The following ZNF197 variants were observed in gnomAD, a reference collection of about 807,000 sequenced individuals.
ZNF197 encodes the protein VHL-associated KRAB-A domain-containing protein.
In ZNF197, 14 loss-of-function variants were observed where a neutral mutation model predicts 27.4. The observed-to-expected ratio is 0.51, with a 90% CI of 0.34 to 0.80. The LOEUF is 0.80. Among genes scored for constraint, ZNF197 ranks in the 30% least tolerant of loss-of-function variants. The pLI is 0.02. For synonymous variants in ZNF197, 415 were observed against 420.0 expected (o/e 0.99, Z 0.15); for missense variants, 1,090 against 1,222.6 (o/e 0.89, Z 1.62).
chr3:44,625,073 C>A lies in ZNF197; in HGVS notation c.-152C>A, dbSNP rs761570218. 1 of 152,254 alleles carries A rather than the reference C, an allele frequency of 6.6e-6. No homozygotes were observed. The highest frequency in any genetic ancestry group is 2.4e-5 in the African/African-American group (1 of 41,458). The allele number at this position is 152,254 out of a possible 1,614,324, so 9.4% of individuals were successfully genotyped here. A position where few individuals can be genotyped will look rare whatever the true frequency, so the allele number is the denominator to read the frequency against. On this transcript the variant is annotated 5_prime_UTR_variant, in exon 1 of 6. In the 5' UTR this introduces an upstream ATG that the reference lacks. Coordinates refer to ENST00000344387, the MANE Select transcript of ZNF197 (RefSeq NM_006991.5). ...CCTCGGCTGCCGGAAGGGCTCGTTCCTGTGTCATCTCCTAGCGGCCTGGCG... is the reference window on the plus strand; with the variant it reads ...CCTCGGCTGCCGGAAGGGCTCGTTCATGTGTCATCTCCTAGCGGCCTGGCG...
At chr3:44,626,281 TCCAGC>T (rs1701655431) in intron 1 of ZNF197, among the ~76,000 whole-genome samples, 1 of 152,176 alleles carries the variant, frequency 6.6e-6, no homozygotes, top group African/African-American at 2.4e-5. Context: ...TTTCTTGATA[TCCAGC>T]CCTCCCACCC....
In ZNF197 at chr3:44,643,576, A is replaced by G; in HGVS notation, c.2446A>G (p.Lys816Glu). The change falls in exon 6 of 6, where the codon AAA becomes GAA. Residue 816 changes from lysine (K) to glutamate (E), a missense_variant. By Grantham distance (56) the Lys-to-Glu change is moderately conservative (BLOSUM62 1). Coordinates refer to ENST00000344387, the MANE Select transcript of ZNF197 (RefSeq NM_006991.5). Reference protein sequence around the residue: ...IGHQRIHTREKSYKCNDCGKV... With the variant: ...IGHQRIHTREESYKCNDCGKV... ...ACATCAGAGAATTCACACGAGGGAA[A>G]AATCTTATAAATGCAATGACTGTGG... 6.2e-7 allele frequency: 1 copy of G among 1,614,204 alleles called. No individual in the cohort carries two copies. The highest frequency in any genetic ancestry group is 1.1e-5 in the South Asian group (1 of 91,088).
chr3:44,638,203 ATTGT>A (rs1486679126), intron 5 of ZNF197, among the ~76,000 whole-genome samples: 6 of 151,832 alleles, frequency 4.0e-5, no homozygotes, highest in African/African-American at 1.5e-4. Context: ...TCCTAATCTT[ATTGT>A]TTGAGACTAT....
rs764415015 is a variant in ZNF197, at chr3:44,645,259, A to G, written c.*1039A>G. 24 of 985,300 alleles carry G rather than the reference A, an allele frequency of 2.4e-5. No homozygotes were observed. Among genetic ancestry groups the G allele is most frequent in the Middle Eastern group, 1.0e-3 (2 of 1,936 alleles). The allele number at this position is 985,300 out of a possible 1,614,324, so 61.0% of individuals were successfully genotyped here. On this transcript the variant is annotated 3_prime_UTR_variant, in exon 6 of 6. Coordinates refer to ENST00000344387, the MANE Select transcript of ZNF197 (RefSeq NM_006991.5). ...CATTCAGTTGTCAATAAAGTTGGAT[A>G]AAAGAGGTTATGGTAAAAGTTTAGA...
chr3:44,637,258 G>A (rs1702349725), intron 5 of ZNF197, among the ~76,000 whole-genome samples: 1 of 151,904 alleles, frequency 6.6e-6, no homozygotes, highest in Admixed American at 6.6e-5. Context: ...CCTCCCAAGT[G>A]GCTGGGATTA....
intron 2 of ZNF197, 124 bp downstream of exon 2, chr3:44,629,668 C>T (rs1701872046): frequency 2.4e-6 from 3 of 1,244,584 alleles, no homozygotes; most frequent in Non-Finnish European, 3.2e-6. Context: ...CACTAGCAAC[C>T]TTAATGATAA....
At position 44,645,797 on chromosome 3, in the gene ZNF197, TG is replaced by T. The variant is rs1170661251; in HGVS notation, c.*1578del. 1 of 985,348 alleles carries T rather than the reference TG, an allele frequency of 1.0e-6. No individual in the cohort carries two copies. Among genetic ancestry groups the T allele is most frequent in the Non-Finnish European group, 1.2e-6 (1 of 829,946 alleles). 61.0% of individuals were successfully genotyped at this position (985,348 alleles called of 1,614,324 possible). ...TTTCACATGGAGCCAAGCTCTTCAC[TG>T]ATTAAGCCAGTGCAGAATCCACTTG... On this transcript the variant is annotated 3_prime_UTR_variant, in exon 6 of 6. Coordinates refer to ENST00000344387, the MANE Select transcript of ZNF197 (RefSeq NM_006991.5).
chr3:44,636,347 C>T (rs1702286928), intron 5 of ZNF197, among the ~76,000 whole-genome samples: 1 of 151,600 alleles, frequency 6.6e-6, no homozygotes, highest in Non-Finnish European at 1.5e-5. Context: ...CCAAAAGGAA[C>T]CTTGAACCCT....
Position 44,646,464 on chromosome 3 carries a change from A to T in ZNF197, c.*2244A>T. ...CTGAAAAATGTTCAACCTGAATTTAATCAAGCTTCTTGGACCTCATTGCCA... is the reference window on the plus strand; with the variant it reads ...CTGAAAAATGTTCAACCTGAATTTATTCAAGCTTCTTGGACCTCATTGCCA... On this transcript the variant is annotated 3_prime_UTR_variant, in exon 6 of 6. Coordinates refer to ENST00000344387, the MANE Select transcript of ZNF197 (RefSeq NM_006991.5). 1 of 1,612,750 alleles carries T rather than the reference A, an allele frequency of 6.2e-7. No homozygotes were observed. The highest frequency in any genetic ancestry group is 8.5e-7 in the Non-Finnish European group (1 of 1,179,004).
chr3:44,637,918 C>T (rs529200083), intron 5 of ZNF197, among the ~76,000 whole-genome samples: 7 of 152,166 alleles, frequency 4.6e-5, no homozygotes, highest in Middle Eastern at 3.4e-3. Flanking sequence ...TGTTCTTTTT[C>T]AAGATTGTTT....
chr3:44,645,838 C>T lies in ZNF197; in HGVS notation c.*1618C>T. The T allele has an allele frequency of 1.0e-6, 1 of 985,414 alleles. No individual in the cohort carries two copies. Among genetic ancestry groups the T allele is most frequent in the Non-Finnish European group, 1.2e-6 (1 of 829,920 alleles). The allele number at this position is 985,414 out of a possible 1,614,324, so 61.0% of individuals were successfully genotyped here. ...GAATCCACTTGTGGGCAGTCAGTGC[C>T]CATTACCCCCTGTGAACCATTCTGT... On this transcript the variant is annotated 3_prime_UTR_variant, in exon 6 of 6. Coordinates refer to ENST00000344387, the MANE Select transcript of ZNF197 (RefSeq NM_006991.5).
At chr3:44,632,647 T>C (rs1702078366) in intron 5 of ZNF197, 48 bp downstream of exon 5, 1 of 1,407,054 alleles carries the variant, frequency 7.1e-7, no homozygotes, top group Admixed American at 2.6e-5. Context: ...CACCAGCCTT[T>C]ATTTGTTTTC....
At chr3:44,639,812 C>G (rs573139286) in intron 5 of ZNF197, among the ~76,000 whole-genome samples, 7 of 151,928 alleles carry the variant, frequency 4.6e-5, no homozygotes, top group African/African-American at 1.7e-4. Flanking sequence ...GTTTGGGCAG[C>G]TGCATGTAGT....
rs1701560210 is a variant in ZNF197 at position 44,625,076 on chromosome 3, T to C, written c.-149T>C. ...CGGCTGCCGGAAGGGCTCGTTCCTG[T>C]GTCATCTCCTAGCGGCCTGGCGCCG... is the stretch of plus-strand genomic sequence containing the variant. On this transcript the variant is annotated 5_prime_UTR_variant, in exon 1 of 6. Transcript: ENST00000344387. The C allele has an allele frequency of 6.6e-6, 1 of 152,262 alleles. No individual in the cohort carries two copies. Among genetic ancestry groups the C allele is most frequent in the Admixed American group, 6.5e-5 (1 of 15,304 alleles). 9.4% of individuals were successfully genotyped at this position (152,262 alleles called of 1,614,324 possible). A position where few individuals can be genotyped will look rare whatever the true frequency, so the allele number is the denominator to read the frequency against.
intron 2 of ZNF197, among the ~76,000 whole-genome samples, chr3:44,630,484 G>A (rs1478769242): frequency 6.6e-6 from 1 of 152,196 alleles, no homozygotes; most frequent in Non-Finnish European, 1.5e-5. Flanking sequence ...AAACTTGGGT[G>A]TGGCATTAAG....
chr3:44,635,000 A>G (rs1702205752), intron 5 of ZNF197, among the ~76,000 whole-genome samples: 1 of 152,084 alleles, frequency 6.6e-6, no homozygotes, highest in Non-Finnish European at 1.5e-5. Context: ...TTTTAATCCA[A>G]GTAGCTTTCA....
chr3:44,638,878 T>C (rs926813519), intron 5 of ZNF197, among the ~76,000 whole-genome samples: 2 of 152,172 alleles, frequency 1.3e-5, no homozygotes, highest in Non-Finnish European at 2.9e-5. Flanking sequence ...GTTTTTATTT[T>C]AATTTTATTT....
rs1249737079 is a variant in ZNF197, at chr3:44,646,496, A to T, written c.*2276A>T. 1 of 1,581,248 alleles carries T rather than the reference A, an allele frequency of 6.3e-7. No homozygotes were observed. The highest frequency in any genetic ancestry group is 1.7e-5 in the Admixed American group (1 of 59,968). ...TTCTTGGACCTCATTGCCAGGTTAC[A>T]GGAAATACAGGAGGCAGAGGAACAA... On this transcript the variant is annotated 3_prime_UTR_variant, in exon 6 of 6. Coordinates refer to ENST00000344387, the MANE Select transcript of ZNF197 (RefSeq NM_006991.5).
rs754011129 is a variant in ZNF197 at position 44,629,136 on chromosome 3, C to G, written c.-19C>G. On this transcript the variant is annotated 5_prime_UTR_variant, in exon 2 of 6. Coordinates refer to ENST00000344387, the MANE Select transcript of ZNF197 (RefSeq NM_006991.5). Reference sequence around the variant, plus strand: ...TAAGGAGACCTGGACTGGAGAGGAGCCTTTTTCAAAAAACAACAATGACAA... The same window carrying G: ...TAAGGAGACCTGGACTGGAGAGGAGGCTTTTTCAAAAAACAACAATGACAA... The G allele has an allele frequency of 1.3e-6, 2 of 1,593,000 alleles. No homozygotes were observed. The highest frequency in any genetic ancestry group is 1.7e-6 in the Non-Finnish European group (2 of 1,172,366).
Sources: allele counts gnomAD v4.1 joint callset (sites outside exome capture counted in the v4.1 genomes callset), GRCh38; gene constraint gnomAD v4.1.1; transcripts MANE v1.5; gene names NCBI Gene and HGNC (gene_info 2026-07-23, HGNC 2026-07-21).